AGPAT3: variants seen among roughly 807,000 people sequenced by gnomAD.
AGPAT3 encodes the protein 1-acylglycerol-3-phosphate O-acyltransferase 3, also known as 1-acyl-sn-glycerol-3-phosphate acyltransferase gamma.
AGPAT3 carries 5 observed loss-of-function variants against 47.3 expected under a neutral mutation model. That is an observed-to-expected ratio of 0.11 (90% confidence interval 0.06 to 0.22). AGPAT3 has a LOEUF of 0.22. Among genes scored for constraint, AGPAT3 ranks in the 10% least tolerant of loss-of-function variants. The pLI is 1.00. For missense variants in AGPAT3, 315 were observed against 493.0 expected (o/e 0.64, Z 3.42); for synonymous variants, 212 against 208.3 (o/e 1.02, Z -0.15).
At position 43,924,171 on chromosome 21, in the gene AGPAT3, G is replaced by A. The variant is rs143039618; in HGVS notation, c.-49+20152G>A. On this transcript the variant is annotated intron_variant, in intron 2 of 9. Transcript: ENST00000291572. ...TGGGACTACAGGTGCCCGCCAGCAC[G>A]CCTGCCTAATTTTTTTGTATTTTTT... Among the ~76,000 whole-genome samples, 6 of 146,024 alleles carry A rather than the reference G, an allele frequency of 4.1e-5. No homozygotes were observed. In the South Asian group the frequency reaches 6.9e-4, roughly 17 times the overall value.
At chr21:43,905,988 G>A (rs2086484297) in intron 2 of AGPAT3, among the ~76,000 whole-genome samples, 1 of 152,240 alleles carries the variant, frequency 6.6e-6, no homozygotes, top group South Asian at 2.1e-4. Flanking sequence ...AGGCGCGTCA[G>A]GCATCAGCAG....
chr21:43,969,099 C>T lies in AGPAT3; in HGVS notation c.349-19C>T. 1 of 1,613,466 alleles carries T rather than the reference C, an allele frequency of 6.2e-7. No homozygotes were observed. The highest frequency in any genetic ancestry group is 8.5e-7 in the Non-Finnish European group (1 of 1,179,532). ...TCCGACGCTGAAGTGCCAGGTGCCC[C>T]TCCTTCTCCTCCCTCCAGAGCTCCA... On this transcript the variant is annotated intron_variant, in intron 4 of 9. Coordinates refer to ENST00000291572, the MANE Select transcript of AGPAT3 (RefSeq NM_020132.5).
In AGPAT3 at chr21:43,982,077, G is replaced by A. The variant is rs765980989; in HGVS notation, c.1043-227G>A. On this transcript the variant is annotated intron_variant, in intron 9 of 9. Transcript: ENST00000291572. The surrounding 1 kb of genome is among the most constrained non-coding windows in gnomAD (Gnocchi z 6.2). The stretch of plus-strand genomic sequence containing the variant: ...CAAGGTCCACGTGTCCACCTGCCTC[G>A]GACCCAGCCGGTCAGAAGACGTGCC... Among the ~76,000 whole-genome samples the A allele has an allele frequency of 2.7e-4, 41 of 152,180 alleles. No individual in the cohort carries two copies. Among genetic ancestry groups the A allele is most frequent in the Non-Finnish European group, 4.0e-4 (27 of 68,030 alleles).
At chr21:43,967,538 C>T (rs1466066395) in intron 3 of AGPAT3, 1 of 169,040 alleles carries the variant, frequency 5.9e-6, no homozygotes, top group African/African-American at 2.4e-5. Context: ...CTTAACTCTT[C>T]ATTTTTTCCC....
chr21:43,918,177 G>GT (rs1253870418), intron 2 of AGPAT3, among the ~76,000 whole-genome samples: 304 of 150,950 alleles, frequency 2.0e-3, no homozygotes, highest in Non-Finnish European at 3.1e-3. Flanking sequence ...TGGGTGTTGT[G>GT]GGAGTTGTGG....
chr21:43,968,806 AT>A (rs1156656640), intron 4 of AGPAT3, among the ~76,000 whole-genome samples: 1 of 152,122 alleles, frequency 6.6e-6, no homozygotes, highest in Non-Finnish European at 1.5e-5. Context: ...GAAGAATTTC[AT>A]TGCAGTCAAA....
At chr21:43,967,069 T>A (rs945014808) in intron 3 of AGPAT3, 2 of 152,090 alleles carry the variant, frequency 1.3e-5, no homozygotes, top group Non-Finnish European at 2.9e-5. Flanking sequence ...CATCCCAGAG[T>A]CCCCATCAGG....
At chr21:43,936,441 G>A (rs759205155) in intron 2 of AGPAT3, among the ~76,000 whole-genome samples, 5 of 152,244 alleles carry the variant, frequency 3.3e-5, no homozygotes, top group Non-Finnish European at 5.9e-5. Context: ...CCTGGCACAC[G>A]GCCACAGTGC....
intron 2 of AGPAT3, among the ~76,000 whole-genome samples, chr21:43,928,732 G>C (rs1569069861): frequency 6.6e-6 from 1 of 152,184 alleles, no homozygotes; most frequent in South Asian, 2.1e-4. Flanking sequence ...TTTCAAGCTG[G>C]GGCACTCGCT....
intron 2 of AGPAT3, among the ~76,000 whole-genome samples, chr21:43,916,948 A>G (rs2086744844): frequency 6.6e-6 from 1 of 152,040 alleles, no homozygotes; most frequent in East Asian, 1.9e-4. Context: ...TCGTGTCTGT[A>G]TCTAAGATCC....
intron 2 of AGPAT3, among the ~76,000 whole-genome samples, chr21:43,956,835 A>G (rs3827250): frequency 0.29 from 44,652 of 152,208 alleles, 6,682 homozygotes; most frequent in African/African-American, 0.34. Flanking sequence ...TGATGTGGCC[A>G]TCCTGGGAGC....
chr21:43,869,978 C>T (rs925691056), intron 1 of AGPAT3, among the ~76,000 whole-genome samples: 1 of 152,242 alleles, frequency 6.6e-6, no homozygotes, highest in Non-Finnish European at 1.5e-5. Context: ...GTAACTGGGA[C>T]TACAGGTGCT....
intron 2 of AGPAT3, among the ~76,000 whole-genome samples, chr21:43,909,559 G>C (rs555291956): frequency 2.5e-4 from 38 of 152,368 alleles, no homozygotes; most frequent in African/African-American, 7.9e-4. Context: ...GCCTTCCAAA[G>C]TGCTGGGATT....
At chr21:43,938,082 A>G (rs1432389637) in intron 2 of AGPAT3, among the ~76,000 whole-genome samples, 1 of 115,624 alleles carries the variant, frequency 8.6e-6, no homozygotes, top group Non-Finnish European at 1.8e-5. Flanking sequence ...TCTCTCCCCC[A>G]CTTTCTCTCT....
chr21:43,866,304 T>G (rs1167603465), intron 1 of AGPAT3, among the ~76,000 whole-genome samples: 1 of 151,830 alleles, frequency 6.6e-6, no homozygotes, highest in African/African-American at 2.4e-5. Context: ...AGATGTGGGC[T>G]GTTGGCCTCC....
chr21:43,866,199 T>A (rs1434835527), intron 1 of AGPAT3, among the ~76,000 whole-genome samples: 4 of 142,694 alleles, frequency 2.8e-5, no homozygotes, highest in African/African-American at 2.6e-5. Context: ...CCCAGACCTT[T>A]AAAAAAAAAA....
chr21:43,926,986 A>G (rs1001474796), intron 2 of AGPAT3, among the ~76,000 whole-genome samples: 12 of 150,286 alleles, frequency 8.0e-5, no homozygotes, highest in Non-Finnish European at 1.3e-4. Flanking sequence ...CTCAAAAAAA[A>G]AAAAAAAAAA....
intron 2 of AGPAT3, 63 bp from the exon 3 acceptor site, chr21:43,959,571 C>T (rs1465289977): frequency 8.8e-6 from 13 of 1,477,648 alleles, no homozygotes; most frequent in African/African-American, 6.9e-5. Context: ...AGCAGTGCCC[C>T]GGTGTTCCTG....
At chr21:43,929,940 G>A (rs1278848871) in intron 2 of AGPAT3, among the ~76,000 whole-genome samples, 1 of 152,234 alleles carries the variant, frequency 6.6e-6, no homozygotes, top group Non-Finnish European at 1.5e-5. Flanking sequence ...CATAAATGCA[G>A]CGGACACTGG....
Sources: gnomAD v4.1 joint callset for allele counts (sites outside exome capture counted in the v4.1 genomes callset) on GRCh38, gnomAD v4.1.1 for gene constraint, Gnocchi (gnomAD v3.1) non-coding constraint, MANE v1.5 for transcripts, NCBI Gene and HGNC (gene_info 2026-07-23, HGNC 2026-07-21) for gene names.